The following GBE1 variants were observed in gnomAD, a reference collection of about 807,000 sequenced individuals.
GBE1 encodes 1,4-alpha-glucan branching enzyme 1.
GBE1 carries 70 observed loss-of-function variants against 88.8 expected under a neutral mutation model. That is an observed-to-expected ratio of 0.79 (90% CI 0.65 to 0.96). The LOEUF is 0.96. Among genes scored for constraint, GBE1 ranks in the 40% least tolerant of loss-of-function variants. GBE1 has a pLI of 0.00. For synonymous variants in GBE1, 284 were observed against 300.1 expected (o/e 0.95, Z 0.56); for missense variants, 872 against 871.0 (o/e 1.00, Z -0.01).
chr3:81,671,532 G>A (rs576526578), intron 2 of GBE1, among the ~76,000 whole-genome samples: 2 of 152,132 alleles, frequency 1.3e-5, no homozygotes, highest in Non-Finnish European at 2.9e-5. Flanking sequence ...GACACTTAAC[G>A]TATCATAAGG....
intron 15 of GBE1, among the ~76,000 whole-genome samples, chr3:81,494,745 A>G (rs2106803452): frequency 6.6e-6 from 1 of 152,324 alleles, no homozygotes; most frequent in African/African-American, 2.4e-5. Flanking sequence ...TCATTTATGA[A>G]GAGAGTCAAA....
intron 12 of GBE1, among the ~76,000 whole-genome samples, chr3:81,547,320 G>C (rs1703218680): frequency 2.0e-5 from 3 of 151,488 alleles, no homozygotes; most frequent in Non-Finnish European, 4.4e-5. Context: ...AAAGTCCTCG[G>C]ATAAGAACGG....
At chr3:81,558,867 G>T (rs1054738431) in intron 12 of GBE1, among the ~76,000 whole-genome samples, 21 of 151,928 alleles carry the variant, frequency 1.4e-4, no homozygotes, top group African/African-American at 5.1e-4. Context: ...AAAAATGATG[G>T]GTGTCTGTAG....
intron 12 of GBE1, among the ~76,000 whole-genome samples, chr3:81,568,550 T>C (rs987599342): frequency 5.9e-5 from 9 of 152,238 alleles, no homozygotes; most frequent in East Asian, 1.9e-4. Flanking sequence ...AAAGAGGCTA[T>C]ATTTATCCTG....
intron 11 of GBE1, among the ~76,000 whole-genome samples, chr3:81,580,001 A>G (rs6785735): frequency 0.65 from 98,793 of 152,036 alleles, 33,814 homozygotes; most frequent in East Asian, 0.92. Flanking sequence ...ATGGGCCTTG[A>G]TTACCCAACC....
chr3:81,565,248 T>C (rs1048066923), intron 12 of GBE1, among the ~76,000 whole-genome samples: 2 of 152,212 alleles, frequency 1.3e-5, no homozygotes, highest in Non-Finnish European at 2.9e-5. Flanking sequence ...CTATGAGTCA[T>C]GTTACATTCA....
intron 1 of GBE1, among the ~76,000 whole-genome samples, chr3:81,737,409 ATATT>A (rs200635536): frequency 0.052 from 1,225 of 23,634 alleles, 12 homozygotes; most frequent in East Asian, 0.1. Flanking sequence ...ATATTTTTAT[ATATT>A]TATATAAATA....
chr3:81,676,469 A>G (rs1705253405), intron 2 of GBE1, among the ~76,000 whole-genome samples: 1 of 152,136 alleles, frequency 6.6e-6, no homozygotes, highest in African/African-American at 2.4e-5. Flanking sequence ...TTTTAATTAT[A>G]AATTAAAATA....
At chr3:81,507,589 G>T (rs1055272244) in intron 14 of GBE1, among the ~76,000 whole-genome samples, 2 of 151,236 alleles carry the variant, frequency 1.3e-5, no homozygotes, top group African/African-American at 4.9e-5. Flanking sequence ...AAAAAACAGA[G>T]AACTTACTAG....
intron 12 of GBE1, among the ~76,000 whole-genome samples, chr3:81,556,490 TG>T (rs1703350486): frequency 2.0e-5 from 3 of 152,052 alleles, no homozygotes; most frequent in Non-Finnish European, 2.9e-5. Context: ...GTCAGGTATT[TG>T]GGGGTAACGA....
intron 2 of GBE1, among the ~76,000 whole-genome samples, chr3:81,692,422 T>C (rs926286115): frequency 6.6e-6 from 1 of 152,208 alleles, no homozygotes; most frequent in East Asian, 1.9e-4. Context: ...TTGGGCAGTA[T>C]TATGAATAAG....
intron 7 of GBE1, among the ~76,000 whole-genome samples, chr3:81,621,032 A>C (rs1243421620): frequency 6.6e-6 from 1 of 152,130 alleles, no homozygotes; most frequent in African/African-American, 2.4e-5. Context: ...CGGGCCCCTG[A>C]CCTTGGAGTT....
rs1018030128 is a variant in GBE1 at position 81,570,231 on chromosome 3, G to GA, written c.1618+7693dup. ...ACCTAAGAAACAGAATGTTAAATTA[G>GA]AAAAAAAAATTCTTAAAGGCATGCA... On this transcript the variant is annotated intron_variant, in intron 12 of 15. Transcript: ENST00000429644. 1.2e-4 allele frequency among the ~76,000 whole-genome samples: 18 copies of GA among 151,422 alleles called. No individual in the cohort carries two copies. The South Asian group carries it at 3.3e-3, about 28-fold the overall frequency.
At position 81,626,096 on chromosome 3, in the gene GBE1, A is replaced by C. The variant is rs866544494; in HGVS notation, c.992+16685T>G. ...AGATTTCAATAAAGTAAACAACAAA[A>C]CAATGCCGGCACTGCTCAGTAAGGA... is the stretch of plus-strand genomic sequence containing the variant. On this transcript the variant is annotated intron_variant, in intron 7 of 15. Coordinates refer to ENST00000429644, the MANE Select transcript of GBE1 (RefSeq NM_000158.4). Among the ~76,000 whole-genome samples the C allele has an allele frequency of 2.6e-5, 4 of 152,322 alleles. 1 individual carries two copies. In the South Asian group the frequency reaches 6.2e-4, roughly 24 times the overall value.
chr3:81,577,663 T>C (rs761918208), intron 12 of GBE1, among the ~76,000 whole-genome samples: 3 of 152,136 alleles, frequency 2.0e-5, no homozygotes, highest in Admixed American at 6.6e-5. Flanking sequence ...TAATTCCGGA[T>C]GTTAAAAACA....
intron 1 of GBE1, among the ~76,000 whole-genome samples, chr3:81,758,430 T>C (rs1397069949): frequency 6.6e-6 from 1 of 152,210 alleles, no homozygotes; most frequent in African/African-American, 2.4e-5. Flanking sequence ...CTGTAAGAAA[T>C]AGTGCATAGT....
intron 2 of GBE1, among the ~76,000 whole-genome samples, chr3:81,699,435 C>A (rs562144133): frequency 1.3e-5 from 2 of 152,114 alleles, no homozygotes; most frequent in South Asian, 4.2e-4. Context: ...TTTTCATGAG[C>A]CTTATATTAG....
At chr3:81,619,798 GC>G (rs1024670154) in intron 7 of GBE1, among the ~76,000 whole-genome samples, 1 of 151,858 alleles carries the variant, frequency 6.6e-6, no homozygotes, top group African/African-American at 2.4e-5. Context: ...TTTAATTTTG[GC>G]TTTTCACATT....
intron 1 of GBE1, among the ~76,000 whole-genome samples, chr3:81,738,475 G>A (rs1278012269): frequency 2.6e-5 from 4 of 151,364 alleles, no homozygotes; most frequent in Non-Finnish European, 5.9e-5. Context: ...TCTCATTGTG[G>A]TTTTGATTTG....
Sources: gnomAD v4.1 joint callset for allele counts (sites outside exome capture counted in the v4.1 genomes callset) on GRCh38, gnomAD v4.1.1 for gene constraint, MANE v1.5 for transcripts, NCBI Gene and HGNC (gene_info 2026-07-23, HGNC 2026-07-21) for gene names.